The following C2CD5 variants were observed in gnomAD, a reference collection of about 807,000 sequenced individuals.
The protein encoded by C2CD5 is C2 domain-containing protein 5.
Under a neutral mutation model 130.3 loss-of-function variants are expected in C2CD5, and 109 were observed. The observed-to-expected ratio is 0.84, with a 90% CI of 0.72 to 0.98. The LOEUF (loss-of-function observed/expected upper bound fraction) is 0.98, where lower values mean the gene tolerates loss of function less well. C2CD5 is among the 50% of genes least tolerant of loss of function. The pLI, the probability that C2CD5 is intolerant of heterozygous loss-of-function variation, is 0.00. For missense variants in C2CD5, 996 were observed against 1,261.8 expected (o/e 0.79, Z 3.19); for synonymous variants, 454 against 429.2 (o/e 1.06, Z -0.71).
At chr12:22,517,892 A>C in intron 8 of C2CD5, 94 bp downstream of exon 8, 6 of 1,093,694 alleles carry the variant, frequency 5.5e-6, no homozygotes, top group Non-Finnish European at 6.6e-6. Context: ...CTTAAGTGCC[A>C]AAAACAAGAG....
chr12:22,483,571 A>T (rs1945034625), intron 13 of C2CD5, among the ~76,000 whole-genome samples: 1 of 152,216 alleles, frequency 6.6e-6, no homozygotes, highest in Admixed American at 6.5e-5. Flanking sequence ...CAAAAAAAAT[A>T]GCTCACCACC....
chr12:22,469,549 GA>G (rs1331979063), intron 22 of C2CD5, among the ~76,000 whole-genome samples, 159 bp downstream of exon 22: 2 of 151,914 alleles, frequency 1.3e-5, no homozygotes, highest in African/African-American at 4.8e-5. Context: ...AAAATAAAAG[GA>G]ACATTAATTT....
chr12:22,533,564 G>C (rs912872803), intron 3 of C2CD5, among the ~76,000 whole-genome samples: 6 of 152,102 alleles, frequency 3.9e-5, no homozygotes, highest in Non-Finnish European at 5.9e-5. Flanking sequence ...GTGGCTGGGC[G>C]CAACATAAAA....
In C2CD5 at chr12:22,472,280, G is replaced by A; in HGVS notation, c.2169+6C>T. On this transcript the variant is annotated splice_donor_region_variant and intron_variant, in intron 18 of 26. Coordinates refer to ENST00000446597, the MANE Select transcript of C2CD5 (RefSeq NM_001286176.2). ...ATGTGCTTAAAATTAAGAAAAAAAG[G>A]TTTACCTGTATTTCAGAGGTCCAAT... is the stretch of plus-strand genomic sequence containing the variant. 6.8e-7 allele frequency: 1 copy of A among 1,463,630 alleles called. No homozygotes were observed. 90.7% of individuals were successfully genotyped at this position (1,463,630 alleles called of 1,614,324 possible).
intron 14 of C2CD5, among the ~76,000 whole-genome samples, chr12:22,482,191 G>A (rs892649219): frequency 2.0e-5 from 3 of 152,086 alleles, no homozygotes; most frequent in Non-Finnish European, 2.9e-5. Context: ...GCTGCTAAGC[G>A]TCCTACAATG....
At chr12:22,470,949 C>T in intron 20 of C2CD5, 38 bp from the exon 21 acceptor site, 1 of 1,410,922 alleles carries the variant, frequency 7.1e-7, no homozygotes, top group South Asian at 1.2e-5. Flanking sequence ...GCAAAATAAT[C>T]ACTGCCAAAA....
chr12:22,472,534 A>C (rs1943205593), intron 17 of C2CD5, 187 bp from the exon 18 acceptor site: 1 of 618,442 alleles, frequency 1.6e-6, no homozygotes, highest in African/African-American at 1.9e-5. Context: ...TTCCGTGTAT[A>C]AATATAAAAG....
At chr12:22,519,437 C>T (rs533225270) in intron 7 of C2CD5, among the ~76,000 whole-genome samples, 7 of 150,964 alleles carry the variant, frequency 4.6e-5, no homozygotes, top group South Asian at 2.1e-4. Context: ...TTAAAGTATC[C>T]GATTAATAAA....
Position 22,470,832 on chromosome 12 carries a change from A to C in C2CD5, c.2438T>G (p.Leu813Trp), listed in dbSNP as rs1346712773. ...QTTKTPVEKS[L>W]QRASTDNEEL... The stretch of plus-strand genomic sequence containing the variant: ...ATTCAGTAAAGATTTACCTCTTTGC[A>C]ATGACTTTTCAACAGGGGTTTTTGT... Residue 813 changes from leucine to tryptophan, a missense_variant, in exon 21 of 27, where the codon TTG (leucine) becomes TGG (tryptophan). Transcript: ENST00000446597. 6.2e-7 allele frequency: 1 copy of C among 1,605,998 alleles called. No individual in the cohort carries two copies. The highest frequency in any genetic ancestry group is 2.2e-5 in the East Asian group (1 of 44,782).
Position 22,453,879 on chromosome 12 carries a change from T to A in C2CD5, c.3024+17A>T. 6.2e-7 allele frequency: 1 copy of A among 1,607,598 alleles called. No homozygotes were observed. On this transcript the variant is annotated intron_variant, in intron 26 of 26. Coordinates refer to ENST00000446597, the MANE Select transcript of C2CD5 (RefSeq NM_001286176.2). Reference sequence around the variant, plus strand: ...TCTCAGGTTCCCGCCAATCAGGAATTTTTAACTGCATCTTACCTGGTTTTT... The same window carrying A: ...TCTCAGGTTCCCGCCAATCAGGAATATTTAACTGCATCTTACCTGGTTTTT...
chr12:22,506,591 A>C lies in C2CD5; in HGVS notation c.1147+120T>G. On this transcript the variant is annotated intron_variant, in intron 10 of 26. Coordinates refer to ENST00000446597, the MANE Select transcript of C2CD5 (RefSeq NM_001286176.2). ...TACAAATATATTAAAGTAACGTGCTAGTTTATACTTTCTTTTCATTTCTCT... is the reference window on the plus strand; with the variant it reads ...TACAAATATATTAAAGTAACGTGCTCGTTTATACTTTCTTTTCATTTCTCT... The C allele has an allele frequency of 4.7e-6, 3 of 644,962 alleles. No homozygotes were observed. The Admixed American group carries it at 7.4e-5, about 16-fold the overall frequency. 40.0% of individuals were successfully genotyped at this position (644,962 alleles called of 1,614,324 possible).
At chr12:22,483,750 G>A (rs1020605777) in intron 13 of C2CD5, among the ~76,000 whole-genome samples, 2 of 152,140 alleles carry the variant, frequency 1.3e-5, no homozygotes, top group African/African-American at 4.8e-5. Flanking sequence ...GGTTGAGAAA[G>A]AGGACAGTGC....
At chr12:22,493,445 T>C (rs1946615615) in intron 10 of C2CD5, 108 bp from the exon 11 acceptor site, 11 of 584,348 alleles carry the variant, frequency 1.9e-5, no homozygotes, top group South Asian at 1.3e-4. Context: ...TTTTATTCTA[T>C]AATGGATTTT....
At chr12:22,466,882 TGAC>T (rs1418949921) in intron 22 of C2CD5, among the ~76,000 whole-genome samples, 13 of 152,236 alleles carry the variant, frequency 8.5e-5, no homozygotes, top group Admixed American at 2.6e-4. Context: ...ATGATGATGA[TGAC>T]AATAAAGGGT....
chr12:22,467,284 C>T (rs1296718993), intron 22 of C2CD5, among the ~76,000 whole-genome samples: 1 of 152,094 alleles, frequency 6.6e-6, no homozygotes, highest in Non-Finnish European at 1.5e-5. Flanking sequence ...GATTCTACCA[C>T]CCGGCTTCCT....
At chr12:22,528,840 T>C (rs1473063731) in intron 3 of C2CD5, among the ~76,000 whole-genome samples, 4 of 152,160 alleles carry the variant, frequency 2.6e-5, no homozygotes, top group Admixed American at 1.3e-4. Flanking sequence ...GAAACATTTA[T>C]GCCTTTCCCT....
chr12:22,542,251 C>T (rs1433286788), intron 2 of C2CD5, among the ~76,000 whole-genome samples: 1 of 152,340 alleles, frequency 6.6e-6, no homozygotes, highest in Admixed American at 6.5e-5. Flanking sequence ...TTAAAAAACT[C>T]CCCTGGCCAG....
chr12:22,493,568 A>G (rs1946636172), intron 10 of C2CD5, among the ~76,000 whole-genome samples: 1 of 152,098 alleles, frequency 6.6e-6, no homozygotes, highest in South Asian at 2.1e-4. Flanking sequence ...ACTTTAACAG[A>G]TATCTATAGG....
chr12:22,475,477 T>C (rs1591999258), intron 15 of C2CD5, among the ~76,000 whole-genome samples: 1 of 152,122 alleles, frequency 6.6e-6, no homozygotes, highest in Non-Finnish European at 1.5e-5. Context: ...TGCAATACTG[T>C]ATGGCTTAGT....
Sources: allele counts gnomAD v4.1 joint callset (sites outside exome capture counted in the v4.1 genomes callset), GRCh38; gene constraint gnomAD v4.1.1; transcripts MANE v1.5; gene names NCBI Gene and HGNC (gene_info 2026-07-23, HGNC 2026-07-21).